FILIP1L: variants seen among roughly 807,000 people sequenced by gnomAD.
The protein encoded by FILIP1L is filamin A-interacting protein 1-like.
FILIP1L carries 55 observed loss-of-function variants against 96.6 expected under a neutral mutation model. The ratio of observed to expected loss-of-function variants is 0.57; its 90% CI spans 0.46 to 0.71. FILIP1L has a LOEUF of 0.71. Among genes scored for constraint, FILIP1L ranks in the 30% least tolerant of loss-of-function variants. The pLI, the probability that FILIP1L is intolerant of heterozygous loss-of-function variation, is 0.00. For missense variants in FILIP1L, 1,304 were observed against 1,321.2 expected (o/e 0.99, Z 0.20); for synonymous variants, 467 against 473.9 (o/e 0.99, Z 0.19).
At chr3:99,964,510 G>A (rs1189462618) in intron 1 of FILIP1L, 3 of 152,438 alleles carry the variant, frequency 2.0e-5, no homozygotes, top group Non-Finnish European at 4.4e-5. Flanking sequence ...GAGCTAGGTA[G>A]TGAGAAAGCC....
chr3:99,879,886 G>A (rs779477268), intron 4 of FILIP1L, among the ~76,000 whole-genome samples: 31 of 152,230 alleles, frequency 2.0e-4, no homozygotes, highest in Non-Finnish European at 4.1e-4. Flanking sequence ...GATTGCATAG[G>A]GAGAGGTATA....
intron 4 of FILIP1L, among the ~76,000 whole-genome samples, chr3:99,856,222 G>A (rs1429025650): frequency 6.6e-6 from 1 of 152,242 alleles, no homozygotes; most frequent in Non-Finnish European, 1.5e-5. Flanking sequence ...AACCCAGGAA[G>A]ATGCACTTGA....
At chr3:99,841,292 T>C (rs189041599) in intron 5 of FILIP1L, among the ~76,000 whole-genome samples, 1 of 152,404 alleles carries the variant, frequency 6.6e-6, no homozygotes, top group Admixed American at 6.5e-5. Flanking sequence ...CTTTCAAATA[T>C]ATCAAATTAT....
intron 1 of FILIP1L, among the ~76,000 whole-genome samples, chr3:99,975,671 G>C (rs758066650): frequency 1.3e-5 from 2 of 152,148 alleles, no homozygotes; most frequent in Non-Finnish European, 2.9e-5. Flanking sequence ...GAGAAACACA[G>C]AGGAAGAGAG....
At chr3:100,074,866 G>A (rs2107384905) in intron 1 of FILIP1L, among the ~76,000 whole-genome samples, 1 of 151,106 alleles carries the variant, frequency 6.6e-6, no homozygotes, top group Admixed American at 6.6e-5. Context: ...GCTAATTTTT[G>A]TCTTTTTAAT....
intron 5 of FILIP1L, chr3:99,833,407 G>C: frequency 1.5e-6 from 1 of 655,346 alleles, no homozygotes; most frequent in Non-Finnish European, 2.7e-6. Context: ...AAGGCATTGA[G>C]TCATAATGAG....
chr3:99,923,278 A>G (rs1230316466), intron 4 of FILIP1L, among the ~76,000 whole-genome samples: 1 of 152,118 alleles, frequency 6.6e-6, no homozygotes, highest in Non-Finnish European at 1.5e-5. Flanking sequence ...ATTTCTGACC[A>G]TGGGTTGACT....
chr3:99,907,157 C>T (rs1706644224), intron 4 of FILIP1L, among the ~76,000 whole-genome samples: 1 of 152,180 alleles, frequency 6.6e-6, no homozygotes, highest in African/African-American at 2.4e-5. Context: ...AGATCTTCAG[C>T]TTCTTGTACT....
intron 1 of FILIP1L, among the ~76,000 whole-genome samples, chr3:100,048,971 G>T (rs1036069473): frequency 4.6e-5 from 7 of 152,102 alleles, no homozygotes; most frequent in Non-Finnish European, 7.4e-5. Flanking sequence ...ACACACAATT[G>T]TCTATTTTCA....
intron 1 of FILIP1L, among the ~76,000 whole-genome samples, chr3:99,966,701 A>G (rs1708663507): frequency 6.6e-6 from 1 of 152,226 alleles, no homozygotes; most frequent in South Asian, 2.1e-4. Flanking sequence ...GTGGATGAAA[A>G]TAGAATCATT....
intron 5 of FILIP1L, among the ~76,000 whole-genome samples, chr3:99,840,129 C>A (rs1373218242): frequency 6.6e-6 from 1 of 151,874 alleles, no homozygotes; most frequent in South Asian, 2.1e-4. Flanking sequence ...AAAGAGTTAC[C>A]AGGCCAAAAC....
chr3:100,104,935 C>CA (rs951293806), intron 1 of FILIP1L, among the ~76,000 whole-genome samples: 21 of 152,146 alleles, frequency 1.4e-4, no homozygotes, highest in African/African-American at 4.8e-4. Context: ...CTGTAACAGC[C>CA]AAAACCTCAC....
intron 1 of FILIP1L, among the ~76,000 whole-genome samples, chr3:99,983,519 T>C (rs1322055225): frequency 4.1e-4 from 50 of 123,316 alleles, no homozygotes; most frequent in African/African-American, 1.5e-3. Flanking sequence ...TGTATATATA[T>C]ACACACACAA....
intron 4 of FILIP1L, among the ~76,000 whole-genome samples, chr3:99,901,939 T>C (rs1706451691): frequency 6.6e-6 from 1 of 152,164 alleles, no homozygotes; most frequent in Non-Finnish European, 1.5e-5. Context: ...ACACAAAATA[T>C]GTGTTGCTGA....
At chr3:99,856,153 C>T (rs1242949598) in intron 4 of FILIP1L, among the ~76,000 whole-genome samples, 1 of 151,988 alleles carries the variant, frequency 6.6e-6, no homozygotes, top group African/African-American at 2.4e-5. Context: ...CCTCATAGGA[C>T]TCTCAGGATT....
rs2107430991 is a variant in FILIP1L, at chr3:100,090,350, A to C, written c.-11+23703T>G. ...TTGAAAACACCTTTTGGAAAAGTGC[A>C]GCTGGGAATGCAAGCATGGGATTCA... is the stretch of plus-strand genomic sequence containing the variant. On this transcript the variant is annotated intron_variant, in intron 1 of 5. Transcript: ENST00000477258. Among the ~76,000 whole-genome samples, 3 of 152,386 alleles carry C rather than the reference A, an allele frequency of 2.0e-5. 1 individual carries two copies. Among genetic ancestry groups the C allele is most frequent in the Admixed American group, 2.0e-4 (3 of 15,314 alleles).
chr3:99,898,165 T>TA (rs1706319960), intron 4 of FILIP1L: 1 of 152,246 alleles, frequency 6.6e-6, no homozygotes, highest in African/African-American at 2.4e-5. Context: ...TTAGATATGA[T>TA]ACAATATTTT....
At position 99,905,276 on chromosome 3, in the gene FILIP1L, TCAC is replaced by T. The variant is rs145486073; in HGVS notation, c.605+18951_605+18953del. Among the ~76,000 whole-genome samples the T allele has an allele frequency of 4.1e-3, 622 of 152,330 alleles. 7 individuals are homozygous for T. Among genetic ancestry groups the T allele is most frequent in the African/African-American group, 0.015 (609 of 41,584 alleles). ...TGCTGAAACTCCCAAATTTTTACCTTCACCACTGCTGGCCTGAGTTCCATCTAG... is the reference window on the plus strand; with the variant it reads ...TGCTGAAACTCCCAAATTTTTACCTTCACTGCTGGCCTGAGTTCCATCTAG... On this transcript the variant is annotated intron_variant, in intron 4 of 5. Coordinates refer to ENST00000477258, the MANE Select transcript of FILIP1L (RefSeq NM_001387850.1).
At chr3:99,981,823 A>G (rs1474922888) in intron 1 of FILIP1L, among the ~76,000 whole-genome samples, 1 of 152,174 alleles carries the variant, frequency 6.6e-6, no homozygotes, top group Non-Finnish European at 1.5e-5. Context: ...ATATTAGGGA[A>G]GGTTCGTGAG....
Sources: allele counts gnomAD v4.1 joint callset (sites outside exome capture counted in the v4.1 genomes callset), GRCh38; gene constraint gnomAD v4.1.1; transcripts MANE v1.5; gene names NCBI Gene and HGNC (gene_info 2026-07-23, HGNC 2026-07-21).